The following BMERB1 variants were observed in gnomAD, a reference collection of about 807,000 sequenced individuals.
BMERB1 encodes the protein bMERB domain-containing protein 1.
In BMERB1, 12 loss-of-function variants were observed where a neutral mutation model predicts 23.6. The observed-to-expected ratio is 0.51, with a 90% CI of 0.33 to 0.82. The LOEUF (loss-of-function observed/expected upper bound fraction) is 0.82. Among genes scored for constraint, BMERB1 ranks in the 40% least tolerant of loss-of-function variants. BMERB1 has a pLI of 0.03. For missense variants in BMERB1, 247 were observed against 255.4 expected, an observed-to-expected ratio of 0.97 and a Z score of 0.22; for synonymous variants, 122 against 96.6, an observed-to-expected ratio of 1.26 and a Z score of -1.54.
intron 2 of BMERB1, among the ~76,000 whole-genome samples, chr16:15,517,596 A>G (rs1197620405): frequency 6.6e-6 from 1 of 151,550 alleles, no homozygotes; most frequent in African/African-American, 2.4e-5. Flanking sequence ...TAAAAAAAAA[A>G]CTACAAAAAT....
At chr16:15,528,893 C>T (rs1277257668) in intron 2 of BMERB1, among the ~76,000 whole-genome samples, 1 of 152,142 alleles carries the variant, frequency 6.6e-6, no homozygotes, top group African/African-American at 2.4e-5. Context: ...CTTGTTTCTC[C>T]CTTTCACTGT....
At chr16:15,494,877 CTTT>C (rs754135430) in intron 1 of BMERB1, among the ~76,000 whole-genome samples, 1,125 of 95,032 alleles carry the variant, frequency 0.012, 5 homozygotes, top group African/African-American at 0.044. Context: ...TTTTTTTTAT[CTTT>C]TTTTTTTTTT....
chr16:15,438,464 AT>A (rs201673443), intron 1 of BMERB1, among the ~76,000 whole-genome samples: 63,675 of 144,432 alleles, frequency 0.44, 14,201 homozygotes, highest in Middle Eastern at 0.54. Flanking sequence ...TTTCTAGACT[AT>A]TTTTTTTTTT....
At chr16:15,477,048 G>T (rs929555310) in intron 1 of BMERB1, among the ~76,000 whole-genome samples, 5 of 152,150 alleles carry the variant, frequency 3.3e-5, no homozygotes, top group Non-Finnish European at 7.4e-5. Context: ...ATTGCTTGAG[G>T]CTAGTAGTTC....
At chr16:15,447,411 GC>G (rs1326221236) in intron 1 of BMERB1, among the ~76,000 whole-genome samples, 1 of 152,062 alleles carries the variant, frequency 6.6e-6, no homozygotes, top group Non-Finnish European at 1.5e-5. Context: ...GGGGGAAACC[GC>G]CCCCATGATC....
intron 2 of BMERB1, among the ~76,000 whole-genome samples, chr16:15,550,688 G>A (rs1450234941): frequency 6.6e-6 from 1 of 152,098 alleles, no homozygotes; most frequent in African/African-American, 2.4e-5. Context: ...AAAGTAAGGG[G>A]GTATGGGAAC....
At chr16:15,434,814 TGC>T in intron 1 of BMERB1, 55 bp downstream of exon 1, 1 of 1,360,640 alleles carries the variant, frequency 7.3e-7, no homozygotes, top group Non-Finnish European at 9.9e-7. Flanking sequence ...TCCATGCGCC[TGC>T]GCGGGTGGTC....
intron 1 of BMERB1, among the ~76,000 whole-genome samples, chr16:15,448,726 A>C (rs1375410407): frequency 6.6e-6 from 1 of 152,198 alleles, no homozygotes; most frequent in Non-Finnish European, 1.5e-5. Flanking sequence ...TGGGAGGCAG[A>C]GGTTGCAGTG....
intron 2 of BMERB1, among the ~76,000 whole-genome samples, chr16:15,534,178 C>G (rs2150960501): frequency 6.7e-6 from 1 of 149,440 alleles, no homozygotes; most frequent in Non-Finnish European, 1.5e-5. Flanking sequence ...GCTTAAAAAC[C>G]ATGACCAGTG....
chr16:15,469,889 G>A (rs2051214629), intron 1 of BMERB1, among the ~76,000 whole-genome samples: 2 of 152,152 alleles, frequency 1.3e-5, no homozygotes, highest in African/African-American at 4.8e-5. Context: ...TTTTTGGTAA[G>A]TTATTGGAGA....
chr16:15,558,937 C>T (rs1291883642), intron 2 of BMERB1, among the ~76,000 whole-genome samples: 2 of 151,322 alleles, frequency 1.3e-5, no homozygotes, highest in Non-Finnish European at 2.9e-5. Context: ...CCTGCCCAAG[C>T]GGAGTTTCTC....
At chr16:15,513,593 C>T (rs936372920) in intron 1 of BMERB1, among the ~76,000 whole-genome samples, 4 of 152,096 alleles carry the variant, frequency 2.6e-5, no homozygotes, top group African/African-American at 9.7e-5. Context: ...TGGACTTTTT[C>T]AGTCTTTATA....
intron 1 of BMERB1, among the ~76,000 whole-genome samples, chr16:15,465,697 C>T (rs1180644567): frequency 6.6e-6 from 1 of 152,122 alleles, no homozygotes; most frequent in Non-Finnish European, 1.5e-5. Flanking sequence ...AAAACAAAAC[C>T]TTAAAGATTC....
chr16:15,520,577 G>A (rs563532735), intron 2 of BMERB1, among the ~76,000 whole-genome samples: 12 of 150,230 alleles, frequency 8.0e-5, no homozygotes, highest in African/African-American at 1.7e-4. Flanking sequence ...TCCACCTCCC[G>A]GGTTCACGCC....
At chr16:15,559,567 C>T (rs2030361095) in intron 2 of BMERB1, among the ~76,000 whole-genome samples, 1 of 152,208 alleles carries the variant, frequency 6.6e-6, no homozygotes, top group Admixed American at 6.6e-5. Flanking sequence ...CTGTGACGGT[C>T]TAGAAGAGTT....
intron 1 of BMERB1, among the ~76,000 whole-genome samples, chr16:15,482,973 A>G (rs1427866940): frequency 1.3e-5 from 2 of 152,156 alleles, no homozygotes; most frequent in African/African-American, 4.8e-5. Flanking sequence ...TAAAACACAT[A>G]GAAAAAAATC....
At chr16:15,484,637 G>A (rs1266515082) in intron 1 of BMERB1, among the ~76,000 whole-genome samples, 1 of 152,054 alleles carries the variant, frequency 6.6e-6, no homozygotes, top group Non-Finnish European at 1.5e-5. Context: ...CCTGACCTCA[G>A]GTAATCTGCC....
intron 1 of BMERB1, among the ~76,000 whole-genome samples, chr16:15,500,934 G>C (rs1406624649): frequency 6.6e-6 from 1 of 152,148 alleles, no homozygotes; most frequent in East Asian, 1.9e-4. Context: ...TTACAGGCGT[G>C]AGCCACCGTG....
chr16:15,514,494 C>T (rs1005185162), intron 1 of BMERB1, among the ~76,000 whole-genome samples: 2 of 152,084 alleles, frequency 1.3e-5, no homozygotes, highest in Non-Finnish European at 1.5e-5. Flanking sequence ...CACTAGCCAT[C>T]ATAACAAAGT....
Sources: allele counts gnomAD v4.1 joint callset (sites outside exome capture counted in the v4.1 genomes callset), GRCh38; gene constraint gnomAD v4.1.1; transcripts MANE v1.5; gene names NCBI Gene and HGNC (gene_info 2026-07-23, HGNC 2026-07-21).